Variants in RRAGB observed in about 807,000 individuals in gnomAD.
RRAGB encodes ras-related GTP-binding protein B.
In RRAGB, 6 loss-of-function variants were observed where a neutral mutation model predicts 29.3. That is an observed-to-expected ratio of 0.21 (90% CI 0.11 to 0.40). RRAGB has a LOEUF of 0.40. Among genes scored for constraint, RRAGB ranks in the 10% least tolerant of loss-of-function variants. RRAGB has a pLI of 1.00. For synonymous variants in RRAGB, 101 were observed against 92.5 expected, an observed-to-expected ratio of 1.09 and a Z score of -0.53; for missense variants, 184 against 272.9, an observed-to-expected ratio of 0.67 and a Z score of 2.29.
At chrX:55,740,322 CAAA>C (rs542846613) in intron 5 of RRAGB, among the ~76,000 whole-genome samples, 10 of 92,442 alleles carry the variant, frequency 1.1e-4, no homozygotes, top group Non-Finnish European at 2.0e-4. Flanking sequence ...GACTCCATCT[CAAA>C]AAAAAAAAAA....
At position 55,718,311 on chromosome X, in the gene RRAGB, A is replaced by C. The variant is rs757269584; in HGVS notation, c.-17A>C. ...GTACTGAAGATTTAGAAGGGACTGG[A>C]AAGGACTTGTTGCGCAATGGAAGAA... On this transcript the variant is annotated 5_prime_UTR_variant, in exon 1 of 10. Transcript: ENST00000374941. 4 of 1,174,199 alleles carry C rather than the reference A, an allele frequency of 3.4e-6. No homozygotes were observed. The South Asian group carries it at 5.6e-5, about 16-fold the overall frequency.
chrX:55,752,477 T>C (rs1025448939), intron 6 of RRAGB: 5 of 331,602 alleles, frequency 1.5e-5, no homozygotes, highest in East Asian at 2.1e-4. Context: ...ATAAAACTAA[T>C]TGGAACAGAG....
rs1171729241 is a variant in RRAGB at position 55,718,326 on chromosome X, C to G, written c.-2C>G. ...AAGGGACTGGAAAGGACTTGTTGCG[C>G]AATGGAAGAATCTGACTCTGAGAAA... On this transcript the variant is annotated 5_prime_UTR_variant, in exon 1 of 10. Transcript: ENST00000374941. 8.4e-7 allele frequency: 1 copy of G among 1,197,215 alleles called. No individual in the cohort carries two copies. Among genetic ancestry groups the G allele is most frequent in the South Asian group, 1.8e-5 (1 of 54,949 alleles).
At chrX:55,748,059 A>T (rs903223541) in intron 5 of RRAGB, among the ~76,000 whole-genome samples, 6 of 112,586 alleles carry the variant, frequency 5.3e-5, no homozygotes, top group African/African-American at 1.6e-4. Flanking sequence ...TGGTGGAGAC[A>T]GGGTTTCGCT....
At chrX:55,748,506 G>A (rs887651561) in intron 5 of RRAGB, among the ~76,000 whole-genome samples, 11 of 105,602 alleles carry the variant, frequency 1.0e-4, no homozygotes, top group African/African-American at 3.9e-4. Flanking sequence ...TGTGGGGAGC[G>A]CCTCTGCCCC....
chrX:55,745,807 T>G (rs190228563), intron 5 of RRAGB, among the ~76,000 whole-genome samples: 2 of 111,995 alleles, frequency 1.8e-5, no homozygotes, highest in African/African-American at 6.5e-5. Context: ...CTGTTTCAAT[T>G]TTGTACTCTG....
chrX:55,743,666 A>AT (rs1463743019), intron 5 of RRAGB, among the ~76,000 whole-genome samples: 1 of 111,691 alleles, frequency 9.0e-6, no homozygotes, highest in Non-Finnish European at 1.9e-5. Context: ...ATATCCTCAC[A>AT]TTTTTCACCC....
chrX:55,755,902 A>G lies in RRAGB; in HGVS notation c.797A>G (p.Asn266Ser). Residue 266 changes from asparagine (N) to serine (S), a missense_variant, in exon 8 of 10, where the codon AAC becomes AGC. Asn to Ser is a conservative substitution (Grantham distance 46). Coordinates refer to ENST00000374941, the MANE Select transcript of RRAGB (RefSeq NM_006064.5). Reference protein sequence around the residue: ...RDAHRFEKISNIIKQFKLSCS... With the variant: ...RDAHRFEKISSIIKQFKLSCS... ...GCCCATAGATTTGAGAAAATAAGCA[A>G]CATTATTAAGCAGTTCAAGCTGAGC... The G allele has an allele frequency of 8.3e-7, 1 of 1,205,679 alleles. No individual in the cohort carries two copies. Among genetic ancestry groups the G allele is most frequent in the Non-Finnish European group, 1.1e-6 (1 of 889,974 alleles).
At chrX:55,730,425 G>A in intron 4 of RRAGB, among the ~76,000 whole-genome samples, 1 of 111,790 alleles carries the variant, frequency 8.9e-6, no homozygotes, top group African/African-American at 3.2e-5. Flanking sequence ...TTAGAGATAA[G>A]GCAACTGAGG....
At chrX:55,750,188 G>A (rs201629302) in intron 5 of RRAGB, among the ~76,000 whole-genome samples, 11 of 29,156 alleles carry the variant, frequency 3.8e-4, no homozygotes, top group Middle Eastern at 0.011. Context: ...ATACGTATGT[G>A]TGTGTGTGTG....
intron 2 of RRAGB, among the ~76,000 whole-genome samples, chrX:55,721,518 A>G (rs5913857): frequency 0.33 from 36,060 of 110,436 alleles, 4,670 homozygotes; most frequent in Middle Eastern, 0.46. Flanking sequence ...ACGGCTGGGA[A>G]CAATCAGAGG....
intron 5 of RRAGB, among the ~76,000 whole-genome samples, chrX:55,748,058 C>T (rs986007314): frequency 8.9e-6 from 1 of 112,649 alleles, no homozygotes; most frequent in African/African-American, 3.2e-5. Flanking sequence ...TTGGTGGAGA[C>T]AGGGTTTCGC....
intron 3 of RRAGB, chrX:55,727,387 A>C: frequency 1.3e-6 from 1 of 797,716 alleles, no homozygotes; most frequent in South Asian, 2.1e-5. Context: ...AAATACAAAG[A>C]CATGTAAGAT....
intron 5 of RRAGB, among the ~76,000 whole-genome samples, chrX:55,749,288 C>T (rs2034420727): frequency 1.0e-5 from 1 of 96,312 alleles, no homozygotes; most frequent in Non-Finnish European, 2.1e-5. Flanking sequence ...CTCTGCCCGG[C>T]CAGCCGCCCC....
In RRAGB at chrX:55,758,564, T is replaced by C. The variant is rs1256232225; in HGVS notation, c.*221T>C. ...CGGTGTTACATAAAAGTAGGTGATA[T>C]GTAAGTTTTCTGATAACAAGGTTCT... On this transcript the variant is annotated 3_prime_UTR_variant, in exon 10 of 10. Coordinates refer to ENST00000374941, the MANE Select transcript of RRAGB (RefSeq NM_006064.5). 6.5e-6 allele frequency: 2 copies of C among 306,276 alleles called. No individual in the cohort carries two copies. Among genetic ancestry groups the C allele is most frequent in the South Asian group, 1.7e-4 (2 of 11,634 alleles). 25.2% of individuals were successfully genotyped at this position (306,276 alleles called of 1,213,427 possible).
chrX:55,722,583 A>C (rs1370872346), intron 3 of RRAGB, among the ~76,000 whole-genome samples: 1 of 111,400 alleles, frequency 9.0e-6, no homozygotes, highest in Admixed American at 9.5e-5. Context: ...TTGTGGGGAG[A>C]GTGTTTTTAA....
chrX:55,753,100 C>T (rs1244096822), intron 6 of RRAGB, among the ~76,000 whole-genome samples: 1 of 112,049 alleles, frequency 8.9e-6, no homozygotes, highest in East Asian at 2.8e-4. Context: ...TTTCCTAAGG[C>T]AACATGATGG....
chrX:55,753,269 ATTTG>A (rs778167163), intron 6 of RRAGB, 119 bp from the exon 7 acceptor site: 21 of 485,778 alleles, frequency 4.3e-5, no homozygotes, highest in Admixed American at 2.1e-4. Flanking sequence ...TAATGTCAGT[ATTTG>A]TTTGGGACTG....
At chrX:55,749,095 C>A (rs1457001949) in intron 5 of RRAGB, among the ~76,000 whole-genome samples, 3 of 98,517 alleles carry the variant, frequency 3.0e-5, no homozygotes, top group Non-Finnish European at 6.2e-5. Context: ...GCCGCCTCGT[C>A]CGGGAGGTGA....
Sources: gnomAD v4.1 joint callset for allele counts (sites outside exome capture counted in the v4.1 genomes callset) on GRCh38, gnomAD v4.1.1 for gene constraint, MANE v1.5 for transcripts, NCBI Gene and HGNC (gene_info 2026-07-23, HGNC 2026-07-21) for gene names.